ZBTB41: variants seen among roughly 807,000 people sequenced by gnomAD.
ZBTB41 encodes the protein zinc finger and BTB domain-containing protein 41.
In ZBTB41, 42 loss-of-function variants were observed where a neutral mutation model predicts 87.6. The ratio of observed to expected loss-of-function variants is 0.48; its 90% CI spans 0.37 to 0.62. ZBTB41 has a LOEUF of 0.62. Among genes scored for constraint, ZBTB41 ranks in the 20% least tolerant of loss-of-function variants. The pLI, the probability that ZBTB41 is intolerant of heterozygous loss-of-function variation, is 0.00. For synonymous variants in ZBTB41, 364 were observed against 364.0 expected (o/e 1.00, Z 0.00); for missense variants, 799 against 1,078.9 (o/e 0.74, Z 3.63).
At chr1:197,182,908 G>C (rs968780362) in intron 5 of ZBTB41, among the ~76,000 whole-genome samples, 11 of 152,100 alleles carry the variant, frequency 7.2e-5, no homozygotes, top group African/African-American at 2.7e-4. Flanking sequence ...GTTTTAATAA[G>C]GTCTCCAGGT....
At chr1:197,180,326 T>A (rs1269215267) in intron 6 of ZBTB41, among the ~76,000 whole-genome samples, 1 of 152,162 alleles carries the variant, frequency 6.6e-6, no homozygotes, top group Non-Finnish European at 1.5e-5. Flanking sequence ...AAGTACACTC[T>A]ATATTTGTGT....
At chr1:197,163,782 A>G (rs1659253838) in intron 10 of ZBTB41, among the ~76,000 whole-genome samples, 1 of 152,078 alleles carries the variant, frequency 6.6e-6, no homozygotes, top group South Asian at 2.1e-4. Flanking sequence ...GACTGATAGT[A>G]TATTTTTTCA....
rs547951367 is a variant in ZBTB41, at chr1:197,179,721, G to A, written c.1677-1209C>T. On this transcript the variant is annotated intron_variant, in intron 6 of 10. Coordinates refer to ENST00000367405, the MANE Select transcript of ZBTB41 (RefSeq NM_194314.3). ...CCTGTGTAGGCCTAGGCTAATGTTT[G>A]TGTTTGTGTCTTTTGTTTTTAACCA... Among the ~76,000 whole-genome samples the A allele has an allele frequency of 9.9e-5, 15 of 152,006 alleles. 1 individual carries two copies. In the South Asian group the frequency reaches 2.1e-3, roughly 21 times the overall value.
Position 197,181,119 on chromosome 1 carries a change from TA to T in ZBTB41, c.1547-3del. 2 of 1,559,436 alleles carry T rather than the reference TA, an allele frequency of 1.3e-6. No homozygotes were observed. Among genetic ancestry groups the T allele is most frequent in the Non-Finnish European group, 8.6e-7 (1 of 1,164,698 alleles). On this transcript the variant is annotated splice_region_variant and splice_polypyrimidine_tract_variant and intron_variant, in intron 5 of 10. Transcript: ENST00000367405. Reference sequence around the variant, plus strand: ...CACATATATCACATGGAAAAGGACCTAAAAAGGAAAAAAAAAAAGTGTGCAT... The same window carrying T: ...CACATATATCACATGGAAAAGGACCTAAAAGGAAAAAAAAAAAGTGTGCAT...
At chr1:197,186,332 A>T (rs1217044548) in intron 5 of ZBTB41, among the ~76,000 whole-genome samples, 1 of 152,144 alleles carries the variant, frequency 6.6e-6, no homozygotes, top group Non-Finnish European at 1.5e-5. Context: ...GCAAAAGTGA[A>T]CTCAAAATGA....
chr1:197,187,809 G>C (rs1301077489), intron 5 of ZBTB41, among the ~76,000 whole-genome samples: 1 of 151,872 alleles, frequency 6.6e-6, no homozygotes, highest in African/African-American at 2.4e-5. Context: ...TAGTAGATGA[G>C]GTATCTAAAA....
intron 6 of ZBTB41, among the ~76,000 whole-genome samples, chr1:197,180,333 G>T (rs889051094): frequency 1.3e-4 from 20 of 152,066 alleles, no homozygotes; most frequent in African/African-American, 4.8e-4. Context: ...CTCTATATTT[G>T]TGTGATGACA....
rs566089926 is a variant in ZBTB41, at chr1:197,179,729, G to A, written c.1677-1217C>T. 2.8e-4 allele frequency among the ~76,000 whole-genome samples: 43 copies of A among 151,872 alleles called. No homozygotes were observed. In the South Asian group the frequency reaches 6.6e-3, roughly 23 times the overall value. ...GGCCTAGGCTAATGTTTGTGTTTGTGTCTTTTGTTTTTAACCAAAAAAAAG... is the reference window on the plus strand; with the variant it reads ...GGCCTAGGCTAATGTTTGTGTTTGTATCTTTTGTTTTTAACCAAAAAAAAG... On this transcript the variant is annotated intron_variant, in intron 6 of 10. Coordinates refer to ENST00000367405, the MANE Select transcript of ZBTB41 (RefSeq NM_194314.3).
chr1:197,166,593 C>G (rs1056515774), intron 10 of ZBTB41, among the ~76,000 whole-genome samples: 1 of 151,972 alleles, frequency 6.6e-6, no homozygotes, highest in Non-Finnish European at 1.5e-5. Flanking sequence ...CACCTGTAAT[C>G]CCAGCACTTT....
intron 7 of ZBTB41, among the ~76,000 whole-genome samples, chr1:197,177,480 G>A (rs1659637412): frequency 6.6e-6 from 1 of 151,984 alleles, no homozygotes; most frequent in South Asian, 2.1e-4. Context: ...CAGACTAATA[G>A]AGCAAATAAT....
rs1282078133 is a variant in ZBTB41, at chr1:197,178,423, G to A, written c.1766C>T (p.Ser589Leu). 2.5e-6 allele frequency: 4 copies of A among 1,604,456 alleles called. No homozygotes were observed. Among genetic ancestry groups the A allele is most frequent in the Non-Finnish European group, 3.4e-6 (4 of 1,175,326 alleles). The change falls in exon 7 of 11, where the codon TCG (serine) becomes TTG (leucine). Residue 589 changes from serine (S) to leucine (L), a missense_variant. Ser to Leu is a moderately radical substitution (Grantham distance 145, BLOSUM62 -2). This residue lies in a region of ZBTB41 where 198 missense variants were observed against 358.4 expected (regional missense o/e 0.55). Coordinates refer to ENST00000367405, the MANE Select transcript of ZBTB41 (RefSeq NM_194314.3). The stretch of plus-strand genomic sequence containing the variant: ...AAAAAATGGTTTTACTTACCTATAC[G>A]AACTTCCATGACGAAAACTTTGCCC... ...ICGQSFRHGSSYRLHLRVHHD... is the reference protein window; with the variant it reads ...ICGQSFRHGSLYRLHLRVHHD...
In ZBTB41 at chr1:197,158,210, G is replaced by A. The variant is rs570679770; in HGVS notation, c.*1149C>T. 1.3e-5 allele frequency: 2 copies of A among 152,310 alleles called. No homozygotes were observed. The highest frequency in any genetic ancestry group is 2.1e-4 in the South Asian group (1 of 4,822). 9.4% of individuals were successfully genotyped at this position (152,310 alleles called of 1,614,324 possible). On this transcript the variant is annotated 3_prime_UTR_variant, in exon 11 of 11. Coordinates refer to ENST00000367405, the MANE Select transcript of ZBTB41 (RefSeq NM_194314.3). The stretch of plus-strand genomic sequence containing the variant: ...TCCTTTCACCAAGTCCTCAACTTTT[G>A]TCTCATACAGAAATAAAAATTAAAG...
chr1:197,175,443 T>TATATATATATATATATATATATATATA (rs1659581740), intron 8 of ZBTB41, among the ~76,000 whole-genome samples: 3 of 141,448 alleles, frequency 2.1e-5, no homozygotes, highest in Non-Finnish European at 4.7e-5. Flanking sequence ...TATATATATA[T>TATATATATATATATATATATATATATA]ATATATGTCT....
chr1:197,184,219 T>C (rs143964111), intron 5 of ZBTB41, among the ~76,000 whole-genome samples: 323 of 152,334 alleles, frequency 2.1e-3, no homozygotes, highest in African/African-American at 7.6e-3. Flanking sequence ...AAACTGTTTC[T>C]ACATGATGGC....
Position 197,167,238 on chromosome 1 carries a change from C to G in ZBTB41, c.2074+4922G>C, listed in dbSNP as rs948446162. On this transcript the variant is annotated intron_variant, in intron 10 of 10. Coordinates refer to ENST00000367405, the MANE Select transcript of ZBTB41 (RefSeq NM_194314.3). The stretch of plus-strand genomic sequence containing the variant: ...TGAGACAAGTTCTCACTCCATCACC[C>G]AGGCTGGAGTGCAGTGGTGCCATCC... Among the ~76,000 whole-genome samples the G allele has an allele frequency of 2.0e-5, 3 of 152,172 alleles. No individual in the cohort carries two copies. The East Asian group carries it at 5.8e-4, about 29-fold the overall frequency.
At chr1:197,191,561 C>T (rs1442671970) in intron 3 of ZBTB41, 131 bp downstream of exon 3, 2 of 667,202 alleles carry the variant, frequency 3.0e-6, no homozygotes, top group East Asian at 3.2e-5. Context: ...ACAGGATAAT[C>T]AAAATACTGT....
chr1:197,190,704 C>T, intron 4 of ZBTB41, 58 bp downstream of exon 4: 2 of 1,073,742 alleles, frequency 1.9e-6, no homozygotes, highest in Non-Finnish European at 2.8e-6. Context: ...ACTTTACTTC[C>T]CCAAAAGACG....
At position 197,176,354 on chromosome 1, in the gene ZBTB41, C is replaced by A. The variant is rs1659607970; in HGVS notation, c.1879+210G>T. On this transcript the variant is annotated intron_variant, in intron 8 of 10. Coordinates refer to ENST00000367405, the MANE Select transcript of ZBTB41 (RefSeq NM_194314.3). ...TACACTTTATAGTCACAAAGGGTTA[C>A]CAAATAATTAAAATTACAGTGAATA... is the stretch of plus-strand genomic sequence containing the variant. Among the ~76,000 whole-genome samples the A allele has an allele frequency of 1.3e-5, 2 of 151,978 alleles. 1 individual carries two copies. Among genetic ancestry groups the A allele is most frequent in the South Asian group, 4.1e-4 (2 of 4,832 alleles).
At chr1:197,192,039 C>T (rs558049924) in intron 2 of ZBTB41, 140 bp from the exon 3 acceptor site, 15 of 575,460 alleles carry the variant, frequency 2.6e-5, no homozygotes, top group South Asian at 5.7e-5. Context: ...AAAAAGTTTA[C>T]GTAAATTTCT....
Sources: allele counts gnomAD v4.1 joint callset (sites outside exome capture counted in the v4.1 genomes callset), GRCh38; gene constraint gnomAD v4.1.1; regional missense constraint gnomAD v4.1.1; transcripts MANE v1.5; gene names NCBI Gene and HGNC (gene_info 2026-07-23, HGNC 2026-07-21).